Variants in MSL3 observed in about 807,000 individuals in gnomAD.
MSL3 encodes MSL complex subunit 3, also known as MSL3-like 1.
MSL3 carries 5 observed loss-of-function variants against 37.2 expected under a neutral mutation model. The ratio of observed to expected loss-of-function variants is 0.13; its 90% CI spans 0.07 to 0.28. The LOEUF (loss-of-function observed/expected upper bound fraction) is 0.28. Ranked by LOEUF, MSL3 falls within the 10% of genes least tolerant of loss-of-function variation. The pLI is 1.00. For missense variants in MSL3, 315 were observed against 408.5 expected (o/e 0.77, Z 1.97); for synonymous variants, 149 against 147.6 (o/e 1.01, Z -0.07).
At chrX:11,758,735 G>A in intron 1 of MSL3, 1 of 1,167,123 alleles carries the variant, frequency 8.6e-7, no homozygotes, top group Non-Finnish European at 1.1e-6. Context: ...GCCTGGTGCC[G>A]GGTGGGCTCC....
chrX:11,772,895 T>G (rs1311216715), intron 12 of MSL3, among the ~76,000 whole-genome samples, 190 bp downstream of exon 12: 2 of 111,682 alleles, frequency 1.8e-5, no homozygotes, highest in Non-Finnish European at 3.8e-5. Context: ...TTCCATAATT[T>G]CTCTGGTTTC....
At chrX:11,766,088 T>C (rs1361510886) in intron 9 of MSL3, 1 of 912,376 alleles carries the variant, frequency 1.1e-6, no homozygotes, top group Non-Finnish European at 1.4e-6. Context: ...TTTTGTTTTC[T>C]TTGTACTCTG....
chrX:11,768,658 GAGA>G lies in MSL3; in HGVS notation c.1262_1264del (p.Arg421del). 1 of 1,191,833 alleles carries G rather than the reference GAGA, an allele frequency of 8.4e-7. No individual in the cohort carries two copies. The highest frequency in any genetic ancestry group is 3.0e-5 in the East Asian group (1 of 33,795). ...GTGCTGTGTTTGCTGGCTTTGAAGG[GAGA>G]AGAACTAATGAAATAAACGAGGTAA... On this transcript the variant is annotated inframe_deletion, in exon 10 of 13. Transcript: ENST00000312196.
chrX:11,758,438 C>G, intron 1 of MSL3, 73 bp downstream of exon 1: 1 of 930,858 alleles, frequency 1.1e-6, no homozygotes, highest in Non-Finnish European at 1.4e-6. Context: ...CGGGGGCGGA[C>G]GGCCGCGCGG....
chrX:11,769,441 C>T (rs2053212988), intron 10 of MSL3, among the ~76,000 whole-genome samples: 1 of 112,231 alleles, frequency 8.9e-6, no homozygotes, highest in African/African-American at 3.2e-5. Flanking sequence ...ATTTTTAAGG[C>T]CCATTAGGTG....
Position 11,763,881 on chromosome X carries a change from A to C in MSL3, c.851A>C (p.Lys284Thr). The C allele has an allele frequency of 8.3e-7, 1 of 1,209,792 alleles. No individual in the cohort carries two copies. Among genetic ancestry groups the C allele is most frequent in the Non-Finnish European group, 1.1e-6 (1 of 894,031 alleles). ...LYPYEQAQYK[K>T]VTSSKFFLPI... ...CCATATGAACAAGCTCAGTATAAAA[A>C]GGTGACTTCGTCTAAATTTTTTCTT... is the stretch of plus-strand genomic sequence containing the variant. The change falls in exon 8 of 13, where the codon AAG (lysine) becomes ACG (threonine). Residue 284 changes from lysine to threonine, a missense_variant. Lys to Thr is a moderately conservative substitution (Grantham distance 78). Transcript: ENST00000312196.
chrX:11,760,571 T>C, intron 3 of MSL3, 73 bp downstream of exon 3: 2 of 708,246 alleles, frequency 2.8e-6, no homozygotes, highest in Non-Finnish European at 4.1e-6. Flanking sequence ...TTTTATGATA[T>C]AAAAGTAATA....
At chrX:11,765,943 G>A (rs908212174) in intron 9 of MSL3, 4 of 1,041,099 alleles carry the variant, frequency 3.8e-6, no homozygotes, top group Non-Finnish European at 4.9e-6. Context: ...GGCAGGACTG[G>A]GCTGTTTCCT....
At chrX:11,759,615 A>G in intron 1 of MSL3, 178 bp from the exon 2 acceptor site, 1 of 1,077,433 alleles carries the variant, frequency 9.3e-7, no homozygotes, top group Non-Finnish European at 1.2e-6. Context: ...GATGTTTCCT[A>G]TTTTGAAGGC....
chrX:11,773,093 A>G (rs1029740909), intron 12 of MSL3, among the ~76,000 whole-genome samples: 2 of 112,437 alleles, frequency 1.8e-5, no homozygotes, highest in African/African-American at 3.2e-5. Flanking sequence ...TGTTGCATGT[A>G]CATAAACTAA....
upstream of MSL3, chrX:11,758,164 C>A (rs1172975311): frequency 2.5e-5 from 5 of 198,674 alleles, no homozygotes; most frequent in Non-Finnish European, 3.9e-5. Flanking sequence ...ATTCCCGGCC[C>A]CCCCCGGCCA....
intron 10 of MSL3, among the ~76,000 whole-genome samples, chrX:11,769,918 A>G (rs2053218205): frequency 8.9e-6 from 1 of 112,680 alleles, no homozygotes; most frequent in Admixed American, 9.3e-5. Flanking sequence ...GGCAAAGAGC[A>G]CTTGATGATG....
chrX:11,770,646 G>C (rs1345025324), intron 10 of MSL3, among the ~76,000 whole-genome samples: 2 of 111,164 alleles, frequency 1.8e-5, no homozygotes, highest in Non-Finnish European at 3.8e-5. Context: ...CTAGGGGCTG[G>C]TCTGGGCCAG....
intron 1 of MSL3, 35 bp from the exon 2 acceptor site, chrX:11,759,758 T>C (rs762528429): frequency 1.7e-6 from 2 of 1,209,230 alleles, no homozygotes; most frequent in East Asian, 3.0e-5. Context: ...TTTCTGTATG[T>C]TCTGCCATTT....
At position 11,760,417 on chromosome X, in the gene MSL3, C is replaced by A; in HGVS notation, c.200C>A (p.Ala67Glu). ...NGWNRSWDRW[A>E]AEDHVLRDTD... is the part of the protein sequence containing the mutation. ...TGTTCAATTAGCTGGGATAGATGGG[C>A]AGCAGAAGATCATGTGCTTCGTGAT... Residue 67 changes from alanine to glutamate, a missense_variant, in exon 3 of 13, where the codon GCA becomes GAA. Coordinates refer to ENST00000312196, the MANE Select transcript of MSL3 (RefSeq NM_078629.4). The A allele has an allele frequency of 8.3e-7, 1 of 1,198,089 alleles. No homozygotes were observed.
rs1219896333 is a variant in MSL3 at position 11,775,204 on chromosome X, G to C, written c.*125G>C. On this transcript the variant is annotated 3_prime_UTR_variant, in exon 13 of 13. Transcript: ENST00000312196. ...AACACAATGCCCACCTTGGGGCTCT[G>C]TTGTTTGAGTTGCCCACATACTGCA... 2 of 468,965 alleles carry C rather than the reference G, an allele frequency of 4.3e-6. No homozygotes were observed. Among genetic ancestry groups the C allele is most frequent in the African/African-American group, 4.9e-5 (2 of 40,860 alleles). The allele number at this position is 468,965 out of a possible 1,213,427, so 38.6% of individuals were successfully genotyped here.
intron 9 of MSL3, chrX:11,767,067 G>A (rs924101059): frequency 1.3e-6 from 1 of 751,915 alleles, no homozygotes; most frequent in Admixed American, 8.8e-5. Context: ...CCATTTCCTT[G>A]TGTACATCCT....
At chrX:11,765,872 G>A in intron 9 of MSL3, 143 bp downstream of exon 9, 1 of 1,113,008 alleles carries the variant, frequency 9.0e-7, no homozygotes, top group Non-Finnish European at 1.2e-6. Flanking sequence ...CATGCTGCCT[G>A]CTTTCTGGAG....
chrX:11,766,274 A>T (rs1399627663), intron 9 of MSL3: 3 of 756,624 alleles, frequency 4.0e-6, no homozygotes, highest in Non-Finnish European at 4.7e-6. Context: ...AAAATAAATT[A>T]GACAAAAGTT....
Sources: allele counts gnomAD v4.1 joint callset (sites outside exome capture counted in the v4.1 genomes callset), GRCh38; gene constraint gnomAD v4.1.1; transcripts MANE v1.5; gene names NCBI Gene and HGNC (gene_info 2026-07-23, HGNC 2026-07-21).